The following ARFGAP2 variants were observed in gnomAD, a reference collection of about 807,000 sequenced individuals.
ARFGAP2 encodes ARF GTPase activating protein 2, also known as ADP-ribosylation factor GTPase-activating protein 2.
ARFGAP2 carries 45 observed loss-of-function variants against 71.9 expected under a neutral mutation model. The ratio of observed to expected loss-of-function variants is 0.63; its 90% confidence interval spans 0.49 to 0.80. The LOEUF is 0.80. Ranked by LOEUF, ARFGAP2 falls within the 30% of genes least tolerant of loss-of-function variation. The probability of loss-of-function intolerance (pLI) is 0.00; values close to 1 mark genes in which losing one functional copy is unlikely to be tolerated. For synonymous variants in ARFGAP2, 248 were observed against 249.2 expected (o/e 1.00, Z 0.05); for missense variants, 633 against 673.9 (o/e 0.94, Z 0.67).
At chr11:47,169,958 A>G (rs1952529429) in intron 10 of ARFGAP2, among the ~76,000 whole-genome samples, 3 of 152,218 alleles carry the variant, frequency 2.0e-5, no homozygotes, top group Non-Finnish European at 4.4e-5. Flanking sequence ...TATGTGACTG[A>G]AGCAGGGAAA....
intron 15 of ARFGAP2, 45 bp downstream of exon 15, chr11:47,166,223 G>A (rs752230902): frequency 3.1e-6 from 5 of 1,597,740 alleles, no homozygotes; most frequent in Non-Finnish European, 4.3e-6. Flanking sequence ...GGTGGCGAAG[G>A]GCAAACCTCC....
chr11:47,165,627 C>A lies in ARFGAP2; in HGVS notation c.1546-125G>T, dbSNP rs980643724. On this transcript the variant is annotated intron_variant, in intron 15 of 15. Coordinates refer to ENST00000524782, the MANE Select transcript of ARFGAP2 (RefSeq NM_032389.6). ...GACTGGGGAGGCAGGGGCTGGACAGCCCGGTGAGGCAGGAGTCCACGGTGA... is the reference window on the plus strand; with the variant it reads ...GACTGGGGAGGCAGGGGCTGGACAGACCGGTGAGGCAGGAGTCCACGGTGA... The A allele has an allele frequency of 1.5e-5, 16 of 1,078,650 alleles. No homozygotes were observed. In the Admixed American group the frequency reaches 4.3e-4, roughly 29 times the overall value. The allele number at this position is 1,078,650 out of a possible 1,614,324, so 66.8% of individuals were successfully genotyped here.
chr11:47,173,128 G>T (rs1952665367), intron 7 of ARFGAP2: 1 of 450,380 alleles, frequency 2.2e-6, no homozygotes, highest in Non-Finnish European at 4.1e-6. Context: ...AGAGCCCAGG[G>T]ATAGGTGTCC....
At position 47,166,315 on chromosome 11, in the gene ARFGAP2, C is replaced by A; in HGVS notation, c.1498G>T (p.Ala500Ser). 2.5e-6 allele frequency: 4 copies of A among 1,614,246 alleles called. No homozygotes were observed. Among genetic ancestry groups the A allele is most frequent in the Non-Finnish European group, 3.4e-6 (4 of 1,180,052 alleles). Reference sequence around the variant, plus strand: ...TTGGCCAGCACAGCCATTTTCCCAGCCACAGACTTGACACCCTGCTTAAAC... The same window carrying A: ...TTGGCCAGCACAGCCATTTTCCCAGACACAGACTTGACACCCTGCTTAAAC... ...AQFKQGVKSV[A>S]GKMAVLANGV... Residue 500 changes from alanine (A) to serine (S), a missense_variant, in exon 15 of 16, where the codon GCT becomes TCT. By Grantham distance (99) the Ala-to-Ser change is moderately conservative. Transcript: ENST00000524782.
At chr11:47,171,114 C>T (rs1952581840) in intron 10 of ARFGAP2, among the ~76,000 whole-genome samples, 2 of 152,136 alleles carry the variant, frequency 1.3e-5, no homozygotes, top group South Asian at 4.2e-4. Context: ...CCGCAATTCT[C>T]AGGGAGGTCT....
chr11:47,176,306 G>A (rs530210834), intron 2 of ARFGAP2: 24 of 601,430 alleles, frequency 4.0e-5, no homozygotes, highest in Admixed American at 5.9e-5. Context: ...CAAAAAAGAG[G>A]AAGTTTTGGC....
chr11:47,164,368 A>G lies in ARFGAP2; in HGVS notation c.*1114T>C, dbSNP rs1952269892. The G allele has an allele frequency of 5.0e-6, 6 of 1,191,938 alleles. No homozygotes were observed. In the East Asian group the frequency reaches 1.6e-4, roughly 32 times the overall value. The allele number at this position is 1,191,938 out of a possible 1,614,324, so 73.8% of individuals were successfully genotyped here. On this transcript the variant is annotated 3_prime_UTR_variant, in exon 16 of 16. Coordinates refer to ENST00000524782, the MANE Select transcript of ARFGAP2 (RefSeq NM_032389.6). ...TTTTGACACCACTTTGTTTCAATAC[A>G]AACAGTCCAGAAAGAAAGTCAAGTC...
rs1394152984 is a variant in ARFGAP2, at chr11:47,165,486, T to C, written c.1562A>G (p.Tyr521Cys). ...MNSLQDRYGS[Y>C] Reference sequence around the variant, plus strand: ...GCCTGAGTCACAGAGCTCGGATCAGTAGGAACCGTAGCGATCCTGGGGGCG... The same window carrying C: ...GCCTGAGTCACAGAGCTCGGATCAGCAGGAACCGTAGCGATCCTGGGGGCG... Residue 521 changes from tyrosine (Y) to cysteine (C), a missense_variant, in exon 16 of 16, where the codon TAC becomes TGC. Transcript: ENST00000524782. 3 of 1,565,534 alleles carry C rather than the reference T, an allele frequency of 1.9e-6. No homozygotes were observed. The highest frequency in any genetic ancestry group is 2.6e-6 in the Non-Finnish European group (3 of 1,156,494).
chr11:47,172,223 C>G lies in ARFGAP2; in HGVS notation c.672+58G>C, dbSNP rs570179097. 3.2e-5 allele frequency: 50 copies of G among 1,560,850 alleles called. No homozygotes were observed. The African/African-American group carries it at 5.7e-4, about 18-fold the overall frequency. On this transcript the variant is annotated intron_variant, in intron 8 of 15. Transcript: ENST00000524782. ...GTAAGTGGTAAGGTCAAGGAGTGAA[C>G]CCAGGTAGCCTGCACCCAGCTCCTA...
chr11:47,166,405 G>A lies in ARFGAP2; in HGVS notation c.1427-19C>T, dbSNP rs1952379413. 4 of 1,613,378 alleles carry A rather than the reference G, an allele frequency of 2.5e-6. No individual in the cohort carries two copies. Among genetic ancestry groups the A allele is most frequent in the Non-Finnish European group, 3.4e-6 (4 of 1,179,434 alleles). On this transcript the variant is annotated intron_variant, in intron 14 of 15. Transcript: ENST00000524782. ...ACACTTCCTGTAAAACAAGAGCAGGGTGACCCAGAGCCCAGCAAGAAGCCC... is the reference window on the plus strand; with the variant it reads ...ACACTTCCTGTAAAACAAGAGCAGGATGACCCAGAGCCCAGCAAGAAGCCC...
In ARFGAP2 at chr11:47,167,902, A is replaced by G. The variant is rs986138902; in HGVS notation, c.1205+7T>C. The stretch of plus-strand genomic sequence containing the variant: ...AGAAAGAAAAAAGAAAAAACAGCCC[A>G]CTCTACCTTTCTGAAATAGGCCGGA... On this transcript the variant is annotated splice_region_variant and intron_variant, in intron 12 of 15. Coordinates refer to ENST00000524782, the MANE Select transcript of ARFGAP2 (RefSeq NM_032389.6). 2.5e-6 allele frequency: 4 copies of G among 1,592,368 alleles called. No homozygotes were observed. The African/African-American group carries it at 5.4e-5, about 22-fold the overall frequency.
Position 47,171,645 on chromosome 11 carries a change from C to T in ARFGAP2, c.809+19G>A, listed in dbSNP as rs1008352291. The T allele has an allele frequency of 1.2e-5, 20 of 1,613,692 alleles. No individual in the cohort carries two copies. Among genetic ancestry groups the T allele is most frequent in the Non-Finnish European group, 1.7e-5 (20 of 1,180,028 alleles). On this transcript the variant is annotated intron_variant, in intron 9 of 15. Coordinates refer to ENST00000524782, the MANE Select transcript of ARFGAP2 (RefSeq NM_032389.6). The stretch of plus-strand genomic sequence containing the variant: ...ACCAAGCCCCGCAGAAGCCTGAGGC[C>T]CCGGCAGCAAACACTTACATGGACT...
At position 47,176,497 on chromosome 11, in the gene ARFGAP2, A is replaced by C; in HGVS notation, c.191+19T>G. The stretch of plus-strand genomic sequence containing the variant: ...CTGGCCGGCCGGGTGGAAACACGGC[A>C]ACCGCGCGGAGAGCCTACCTGATGA... On this transcript the variant is annotated intron_variant, in intron 2 of 15. Coordinates refer to ENST00000524782, the MANE Select transcript of ARFGAP2 (RefSeq NM_032389.6). The C allele has an allele frequency of 6.2e-7, 1 of 1,608,592 alleles. No individual in the cohort carries two copies. The highest frequency in any genetic ancestry group is 8.5e-7 in the Non-Finnish European group (1 of 1,176,352).
rs1952627257 is a variant in ARFGAP2, at chr11:47,172,178, T to C, written c.672+103A>G. 3 of 1,197,024 alleles carry C rather than the reference T, an allele frequency of 2.5e-6. No homozygotes were observed. The South Asian group carries it at 3.9e-5, about 16-fold the overall frequency. The allele number at this position is 1,197,024 out of a possible 1,614,324, so 74.2% of individuals were successfully genotyped here. On this transcript the variant is annotated intron_variant, in intron 8 of 15. Transcript: ENST00000524782. ...CGAGGTTCGGAGAAACACAGTACCT[T>C]TGCCAAAGTCATATAGCTGGTAAGT...
rs755628850 is a variant in ARFGAP2 at position 47,175,386 on chromosome 11, C to T, written c.265-73G>A. The T allele has an allele frequency of 6.9e-6, 11 of 1,604,236 alleles. No individual in the cohort carries two copies. The South Asian group carries it at 7.8e-5, about 11-fold the overall frequency. On this transcript the variant is annotated intron_variant, in intron 3 of 15. Coordinates refer to ENST00000524782, the MANE Select transcript of ARFGAP2 (RefSeq NM_032389.6). The stretch of plus-strand genomic sequence containing the variant: ...AAGGAAACGTGTTGGCTGTAGGAGA[C>T]ATCTCCTTATGACAGCGAAGTTATT...
At chr11:47,175,132 C>A in intron 4 of ARFGAP2, 34 bp from the exon 5 acceptor site, 1 of 1,614,136 alleles carries the variant, frequency 6.2e-7, no homozygotes, top group African/African-American at 1.3e-5. Flanking sequence ...AAACACAGGG[C>A]TCTGAATACT....
At chr11:47,165,617 G>A in intron 15 of ARFGAP2, 115 bp from the exon 16 acceptor site, 3 of 1,205,658 alleles carry the variant, frequency 2.5e-6, no homozygotes, top group Non-Finnish European at 3.4e-6. Context: ...GGGAGGCAGG[G>A]GCTGGACAGC....
intron 10 of ARFGAP2, among the ~76,000 whole-genome samples, chr11:47,170,053 C>T (rs530525953): frequency 2.0e-5 from 3 of 151,474 alleles, no homozygotes; most frequent in African/African-American, 4.8e-5. Context: ...CACTGGGCGC[C>T]GTGGCTCACA....
In ARFGAP2 at chr11:47,173,427, C is replaced by T. The variant is rs749940763; in HGVS notation, c.618G>A (p.Leu206=). Residue 206 remains leucine, a splice_region_variant and synonymous_variant, in exon 7 of 16, where the codon CTG becomes CTA. Transcript: ENST00000524782. ...DLLGTSPKAS[L]ELKSSIIGKK... ...ACGCCTGCCCGCTGGCATACTGACCCAGTGAGGCTTTGGGTGAGGTGCCAA... is the reference window on the plus strand; with the variant it reads ...ACGCCTGCCCGCTGGCATACTGACCTAGTGAGGCTTTGGGTGAGGTGCCAA... 2 of 1,554,998 alleles carry T rather than the reference C, an allele frequency of 1.3e-6. No homozygotes were observed. Among genetic ancestry groups the T allele is most frequent in the Non-Finnish European group, 1.7e-6 (2 of 1,148,910 alleles).
Sources: allele counts gnomAD v4.1 joint callset (sites outside exome capture counted in the v4.1 genomes callset), GRCh38; gene constraint gnomAD v4.1.1; transcripts MANE v1.5; gene names NCBI Gene and HGNC (gene_info 2026-07-23, HGNC 2026-07-21).